Variants in RALY observed in about 807,000 individuals in gnomAD.
RALY encodes the protein RALY heterogeneous nuclear ribonucleoprotein, also known as RNA-binding protein Raly.
Under a neutral mutation model 30.7 loss-of-function variants are expected in RALY, and 15 were observed. That is an observed-to-expected ratio of 0.49 (90% CI 0.33 to 0.75). RALY has a LOEUF of 0.75. Ranked by LOEUF, RALY falls within the 30% of genes least tolerant of loss-of-function variation. The probability of loss-of-function intolerance (pLI) is 0.02; values close to 1 mark genes in which losing one functional copy is unlikely to be tolerated. For missense variants in RALY, 339 were observed against 414.3 expected (o/e 0.82, Z 1.58); for synonymous variants, 177 against 170.8 (o/e 1.04, Z -0.28).
At chr20:34,040,894 C>T (rs892539662) in intron 2 of RALY, among the ~76,000 whole-genome samples, 2 of 152,166 alleles carry the variant, frequency 1.3e-5, no homozygotes, top group African/African-American at 4.8e-5. Flanking sequence ...CCTCCCTGTC[C>T]TCTGGCCACG....
At chr20:34,051,948 T>C (rs1381400335) in intron 2 of RALY, among the ~76,000 whole-genome samples, 1 of 152,166 alleles carries the variant, frequency 6.6e-6, no homozygotes, top group Non-Finnish European at 1.5e-5. Flanking sequence ...TAATAAATTC[T>C]CATTAACCAG....
chr20:34,037,938 TG>T (rs1342323191), intron 2 of RALY, among the ~76,000 whole-genome samples: 6 of 152,176 alleles, frequency 3.9e-5, no homozygotes, highest in African/African-American at 1.4e-4. Flanking sequence ...TGGGGGAGGC[TG>T]CCAGAGCAGC....
At chr20:34,005,668 C>T (rs2031126491) in intron 1 of RALY, among the ~76,000 whole-genome samples, 4 of 152,180 alleles carry the variant, frequency 2.6e-5, no homozygotes, top group African/African-American at 9.7e-5. Context: ...GCCTTTTATA[C>T]ATATAAAATA....
chr20:34,057,965 C>G (rs1007316202), intron 2 of RALY, among the ~76,000 whole-genome samples: 5 of 152,066 alleles, frequency 3.3e-5, no homozygotes, highest in African/African-American at 1.2e-4. Context: ...TGTCTCTGTC[C>G]AAAGCCATGC....
intron 1 of RALY, among the ~76,000 whole-genome samples, chr20:34,022,883 C>T (rs559763982): frequency 6.6e-6 from 1 of 152,294 alleles, no homozygotes; most frequent in East Asian, 1.9e-4. Flanking sequence ...ATTTTTTCCC[C>T]CAAAGTTCCC....
chr20:34,078,040 A>T (rs1046271035), intron 8 of RALY, among the ~76,000 whole-genome samples: 1 of 152,202 alleles, frequency 6.6e-6, no homozygotes, highest in Admixed American at 6.5e-5. Flanking sequence ...GCTGGGTTCT[A>T]TCGTGAGAAC....
At chr20:34,054,783 A>G (rs1601480497) in intron 2 of RALY, among the ~76,000 whole-genome samples, 1 of 150,954 alleles carries the variant, frequency 6.6e-6, no homozygotes, top group Non-Finnish European at 1.5e-5. Flanking sequence ...CTGAGGTCAC[A>G]CTCCAGCCTG....
At chr20:34,034,009 G>C (rs2032381194) in intron 2 of RALY, among the ~76,000 whole-genome samples, 1 of 152,186 alleles carries the variant, frequency 6.6e-6, no homozygotes, top group South Asian at 2.1e-4. Flanking sequence ...GTGCAGGTTT[G>C]AGTGCACTCA....
intron 2 of RALY, among the ~76,000 whole-genome samples, chr20:34,056,349 G>A (rs552436372): frequency 3.9e-5 from 6 of 152,212 alleles, no homozygotes; most frequent in African/African-American, 1.4e-4. Context: ...TGTCTGAGTC[G>A]TCTCCCTTTC....
At position 34,038,089 on chromosome 20, in the gene RALY, A is replaced by G. The variant is rs1407873747; in HGVS notation, c.-10+6485A>G. On this transcript the variant is annotated intron_variant, in intron 2 of 9. Coordinates refer to ENST00000246194, the MANE Select transcript of RALY (RefSeq NM_016732.3). The stretch of plus-strand genomic sequence containing the variant: ...AATAACCTCCAGCTTGCTTGGGGGA[A>G]AGGAATTGCATGCAAAGGGCTCTGG... Among the ~76,000 whole-genome samples, 4 of 152,208 alleles carry G rather than the reference A, an allele frequency of 2.6e-5. No homozygotes were observed. The East Asian group carries it at 7.7e-4, about 29-fold the overall frequency.
At chr20:34,012,858 G>T (rs1453234484) in intron 1 of RALY, among the ~76,000 whole-genome samples, 7 of 152,242 alleles carry the variant, frequency 4.6e-5, no homozygotes, top group Non-Finnish European at 7.3e-5. Context: ...CCAGTAGAAG[G>T]TTCCCTGGAT....
intron 5 of RALY, among the ~76,000 whole-genome samples, chr20:34,075,313 T>A (rs2033843746): frequency 6.6e-6 from 1 of 152,088 alleles, no homozygotes; most frequent in Non-Finnish European, 1.5e-5. Flanking sequence ...TGACCTTTCA[T>A]CTATTACACG....
At chr20:34,031,040 C>T (rs2032250424) in intron 1 of RALY, among the ~76,000 whole-genome samples, 1 of 113,412 alleles carries the variant, frequency 8.8e-6, no homozygotes, top group Admixed American at 1.0e-4. Flanking sequence ...CCCCTTCCCT[C>T]CCCTTCCTCC....
chr20:34,075,473 G>A lies in RALY; in HGVS notation c.378-401G>A, dbSNP rs1029486069. On this transcript the variant is annotated intron_variant, in intron 5 of 9. Transcript: ENST00000246194. ...CTCCCATACCTCTCTATTCCTAGCT[G>A]GGGATTTGTGCTGCTTTGAGATTTG... 3.3e-5 allele frequency among the ~76,000 whole-genome samples: 5 copies of A among 151,940 alleles called. No homozygotes were observed. The East Asian group carries it at 9.7e-4, about 29-fold the overall frequency.
chr20:34,002,123 C>T (rs142970339), intron 1 of RALY, among the ~76,000 whole-genome samples: 15 of 152,186 alleles, frequency 9.9e-5, no homozygotes, highest in African/African-American at 2.4e-4. Context: ...TTTGTTTTTG[C>T]GGATACCTGT....
At chr20:34,003,179 A>G (rs1056769203) in intron 1 of RALY, among the ~76,000 whole-genome samples, 2 of 152,118 alleles carry the variant, frequency 1.3e-5, no homozygotes, top group South Asian at 2.1e-4. Context: ...ACAATTTAGC[A>G]TTGCCTGTGG....
At chr20:34,072,385 T>C in intron 3 of RALY, 55 bp downstream of exon 3, 1 of 1,552,184 alleles carries the variant, frequency 6.4e-7, no homozygotes, top group Non-Finnish European at 8.7e-7. Flanking sequence ...CTGCTATCAC[T>C]ATCCAGTTCT....
At chr20:34,050,542 G>T (rs887558663) in intron 2 of RALY, among the ~76,000 whole-genome samples, 2 of 152,214 alleles carry the variant, frequency 1.3e-5, no homozygotes, top group African/African-American at 4.8e-5. Flanking sequence ...TATCAGGCAG[G>T]GTTGAAGGAT....
chr20:34,040,645 CATTT>C (rs2032665464), intron 2 of RALY, among the ~76,000 whole-genome samples: 2 of 152,144 alleles, frequency 1.3e-5, no homozygotes, highest in South Asian at 4.1e-4. Context: ...GTAGAAGTAA[CATTT>C]ATTGTGTGCA....
Sources: allele counts gnomAD v4.1 joint callset (sites outside exome capture counted in the v4.1 genomes callset), GRCh38; gene constraint gnomAD v4.1.1; transcripts MANE v1.5; gene names NCBI Gene and HGNC (gene_info 2026-07-23, HGNC 2026-07-21).